The following CGAS variants were observed in gnomAD, a reference collection of about 807,000 sequenced individuals.
The protein encoded by CGAS is cyclic GMP-AMP synthase, also known as 2'3'-cGAMP synthase.
Under a neutral mutation model 34.0 loss-of-function variants are expected in CGAS, and 31 were observed. That is an observed-to-expected ratio of 0.91 (90% CI 0.69 to 1.23). The LOEUF (loss-of-function observed/expected upper bound fraction) is 1.23, where lower values mean the gene tolerates loss of function less well. Among genes scored for constraint, CGAS ranks in the 50% most tolerant of loss-of-function variants. CGAS has a pLI of 0.00. For missense variants in CGAS, 597 were observed against 657.6 expected (o/e 0.91, Z 1.01); for synonymous variants, 266 against 260.0 (o/e 1.02, Z -0.22).
intron 3 of CGAS, among the ~76,000 whole-genome samples, chr6:73,432,269 C>T (rs1317828016): frequency 6.6e-6 from 1 of 152,136 alleles, no homozygotes; most frequent in Non-Finnish European, 1.5e-5. Flanking sequence ...TCAAGTGATT[C>T]TCCTGCCTCA....
chr6:73,428,664 A>T (rs1445608327), intron 4 of CGAS, 45 bp downstream of exon 4: 25 of 1,558,068 alleles, frequency 1.6e-5, no homozygotes, highest in Non-Finnish European at 2.2e-5. Context: ...CAAATAATTA[A>T]GCATACCATA....
rs149902826 is a variant in CGAS at position 73,428,800 on chromosome 6, G to A, written c.1126C>T (p.Arg376Trp). 26 of 1,610,490 alleles carry A rather than the reference G, an allele frequency of 1.6e-5. No homozygotes were observed. Among genetic ancestry groups the A allele is most frequent in the African/African-American group, 2.7e-5 (2 of 74,496 alleles). Reference sequence around the variant, plus strand: ...TTTTCGATGTGAGAGAAGGATAGCCGCCATGTTTCTTCTTAATTTCAAAAA... The same window carrying A: ...TTTTCGATGTGAGAGAAGGATAGCCACCATGTTTCTTCTTAATTTCAAAAA... ...EGNGFQEETW[R>W]LSFSHIEKEI... The change falls in exon 4 of 5, where the codon CGG (arginine) becomes TGG (tryptophan). Residue 376 changes from arginine (R) to tryptophan (W), a missense_variant. Arg to Trp is a moderately radical substitution (Grantham distance 101). Around this residue, in one of 3 missense-constraint regions of CGAS, gnomAD observed 271 missense variants for 324.1 expected, o/e 0.84. Coordinates refer to ENST00000370315, the MANE Select transcript of CGAS (RefSeq NM_138441.3).
chr6:73,436,127 A>G (rs1025744662), intron 3 of CGAS, among the ~76,000 whole-genome samples: 2 of 151,784 alleles, frequency 1.3e-5, no homozygotes. Context: ...CAAGAAGAAC[A>G]ACCCTAACTC....
chr6:73,425,889 G>C (rs948608506), intron 4 of CGAS, among the ~76,000 whole-genome samples: 1 of 152,084 alleles, frequency 6.6e-6, no homozygotes, highest in African/African-American at 2.4e-5. Flanking sequence ...CACGAGAATC[G>C]CTTGAAGCCA....
intron 3 of CGAS, among the ~76,000 whole-genome samples, chr6:73,430,484 C>T (rs891991907): frequency 6.6e-6 from 1 of 151,750 alleles, no homozygotes; most frequent in African/African-American, 2.4e-5. Flanking sequence ...GTGGCGTGTG[C>T]CTACACATAC....
chr6:73,433,567 C>T (rs909343168), intron 3 of CGAS, among the ~76,000 whole-genome samples: 4 of 151,494 alleles, frequency 2.6e-5, no homozygotes, highest in African/African-American at 9.7e-5. Context: ...TGGCTCACTG[C>T]AACCTCTGCC....
chr6:73,437,434 C>CT (rs146269290), intron 3 of CGAS, among the ~76,000 whole-genome samples: 15 of 151,036 alleles, frequency 9.9e-5, no homozygotes, highest in South Asian at 6.3e-4. Context: ...TGTCCAGAGA[C>CT]TTTTTTTTTG....
intron 3 of CGAS, among the ~76,000 whole-genome samples, chr6:73,434,967 A>T (rs953587367): frequency 1.3e-5 from 2 of 152,116 alleles, no homozygotes; most frequent in Non-Finnish European, 2.9e-5. Context: ...CTTAGCTAAC[A>T]ATAATATATC....
intron 3 of CGAS, among the ~76,000 whole-genome samples, chr6:73,432,309 G>A (rs1770207377): frequency 6.6e-6 from 1 of 151,784 alleles, no homozygotes; most frequent in Non-Finnish European, 1.5e-5. Context: ...TTACAGGCAT[G>A]CGCCACCATG....
At chr6:73,442,166 C>T (rs1037399270) in intron 2 of CGAS, among the ~76,000 whole-genome samples, 1 of 152,130 alleles carries the variant, frequency 6.6e-6, no homozygotes, top group African/African-American at 2.4e-5. Flanking sequence ...AGCCACTGTG[C>T]CTGGCCCTCC....
chr6:73,440,430 A>T lies in CGAS; in HGVS notation c.893T>A (p.Met298Lys). ...INDIKDTDVI[M>K]KRKRGGSPAV... ...AGGGCTCCCTCCTCTTTTCCTCTTC[A>T]TGATGACATCTGTATCTGGTTGAAC... The change falls in exon 3 of 5, where the codon ATG becomes AAG. Residue 298 changes from methionine to lysine, a missense_variant. Physicochemically the swap from Met to Lys is moderately conservative, Grantham distance 95. Around this residue, in one of 3 missense-constraint regions of CGAS, gnomAD observed 271 missense variants for 324.1 expected, o/e 0.84. Coordinates refer to ENST00000370315, the MANE Select transcript of CGAS (RefSeq NM_138441.3). 4 of 1,613,182 alleles carry T rather than the reference A, an allele frequency of 2.5e-6. No individual in the cohort carries two copies. Among genetic ancestry groups the T allele is most frequent in the Non-Finnish European group, 3.4e-6 (4 of 1,179,410 alleles).
In CGAS at chr6:73,426,953, C is replaced by G. The variant is rs529585239; in HGVS notation, c.1218-1375G>C. On this transcript the variant is annotated intron_variant, in intron 4 of 4. Coordinates refer to ENST00000370315, the MANE Select transcript of CGAS (RefSeq NM_138441.3). ...GCAACCTCTGCCTACTGGGTTCAAG[C>G]GATTCTCCTGCCTCAACCTCCTAAG... 2.7e-5 allele frequency among the ~76,000 whole-genome samples: 4 copies of G among 150,764 alleles called. No individual in the cohort carries two copies. The East Asian group carries it at 7.9e-4, about 30-fold the overall frequency.
At chr6:73,439,104 C>G (rs1770330101) in intron 3 of CGAS, among the ~76,000 whole-genome samples, 1 of 152,034 alleles carries the variant, frequency 6.6e-6, no homozygotes, top group Non-Finnish European at 1.5e-5. Context: ...TTCAGCAATA[C>G]TCATTTATAA....
intron 3 of CGAS, among the ~76,000 whole-genome samples, chr6:73,429,793 T>C (rs1281769038): frequency 1.3e-5 from 2 of 151,826 alleles, no homozygotes; most frequent in East Asian, 3.9e-4. Context: ...GCCACTGCAC[T>C]CCAGCCTGGG....
At chr6:73,447,235 G>A (rs1227343765) in intron 1 of CGAS, among the ~76,000 whole-genome samples, 1 of 152,076 alleles carries the variant, frequency 6.6e-6, no homozygotes, top group Non-Finnish European at 1.5e-5. Context: ...TATCTTTAGT[G>A]ATATTTATTC....
intron 3 of CGAS, among the ~76,000 whole-genome samples, chr6:73,434,957 C>G (rs1202162920): frequency 1.3e-5 from 2 of 151,904 alleles, no homozygotes; most frequent in African/African-American, 2.4e-5. Flanking sequence ...AGATATAGCC[C>G]TTAGCTAACA....
In CGAS at chr6:73,424,847, TTTC is replaced by T. The variant is rs1360568493; in HGVS notation, c.*377_*379del. On this transcript the variant is annotated 3_prime_UTR_variant, in exon 5 of 5. Coordinates refer to ENST00000370315, the MANE Select transcript of CGAS (RefSeq NM_138441.3). ...TATTTTAATAATTTCCTAATTTATT[TTTC>T]TTATTTATTTATTTATTTTTTGAGA... 6.6e-6 allele frequency: 1 copy of T among 152,072 alleles called. No individual in the cohort carries two copies. Among genetic ancestry groups the T allele is most frequent in the African/African-American group, 2.4e-5 (1 of 41,418 alleles). 9.4% of individuals were successfully genotyped at this position (152,072 alleles called of 1,614,324 possible).
chr6:73,445,473 T>C (rs1423274804), intron 2 of CGAS, 55 bp downstream of exon 2: 9 of 1,280,644 alleles, frequency 7.0e-6, no homozygotes, highest in South Asian at 2.9e-5. Context: ...GGAGTGTACA[T>C]TGGCAATTAC....
chr6:73,425,909 G>A (rs1770078040), intron 4 of CGAS, among the ~76,000 whole-genome samples: 1 of 152,166 alleles, frequency 6.6e-6, no homozygotes, highest in Non-Finnish European at 1.5e-5. Flanking sequence ...AGGAGGCGGA[G>A]GTTGCAGTGA....
Sources: allele counts gnomAD v4.1 joint callset (sites outside exome capture counted in the v4.1 genomes callset), GRCh38; gene constraint gnomAD v4.1.1; regional missense constraint gnomAD v4.1.1; transcripts MANE v1.5; gene names NCBI Gene and HGNC (gene_info 2026-07-23, HGNC 2026-07-21).